ADGRB1: variants seen among roughly 807,000 people sequenced by gnomAD.
ADGRB1 encodes adhesion G protein-coupled receptor B1.
A neutral mutation model predicts 175.7 loss-of-function variants in ADGRB1; 36 were observed. That is an observed-to-expected ratio of 0.20 (90% CI 0.16 to 0.27). ADGRB1 has a LOEUF of 0.27. Among genes scored for constraint, ADGRB1 ranks in the 10% least tolerant of loss-of-function variants. The pLI, the probability that ADGRB1 is intolerant of heterozygous loss-of-function variation, is 1.00. For missense variants in ADGRB1, 1,731 were observed against 2,255.3 expected, an observed-to-expected ratio of 0.77 and a Z score of 4.71; for synonymous variants, 1,054 against 979.4, an observed-to-expected ratio of 1.08 and a Z score of -1.42.
chr8:142,527,709 G>C (rs530992926), intron 24 of ADGRB1, among the ~76,000 whole-genome samples: 17 of 152,306 alleles, frequency 1.1e-4, no homozygotes, highest in African/African-American at 3.6e-4. Context: ...AGGTCCCCAG[G>C]GCTACACATC....
chr8:142,484,682 C>G lies in ADGRB1; in HGVS notation c.2226C>G (p.Phe742Leu). The G allele has an allele frequency of 6.2e-7, 1 of 1,611,532 alleles. No individual in the cohort carries two copies. Among genetic ancestry groups the G allele is most frequent in the Non-Finnish European group, 8.5e-7 (1 of 1,179,156 alleles). The part of the protein sequence containing the change: ...QLAGPNAKEL[F>L]RLVEDFVDVI... ...CGGGCCCCAACGCCAAGGAGCTGTTCCGGCTGGTGGAGGACTTTGTGGACG... is the reference window on the plus strand; with the variant it reads ...CGGGCCCCAACGCCAAGGAGCTGTTGCGGCTGGTGGAGGACTTTGTGGACG... The change falls in exon 13 of 31, where the codon TTC becomes TTG. Residue 742 changes from phenylalanine to leucine, a missense_variant. By Grantham distance (22) the Phe-to-Leu change is conservative. Around this residue, in one of 8 missense-constraint regions of ADGRB1, gnomAD observed 388 missense variants for 630.9 expected, o/e 0.61. Coordinates refer to ENST00000517894, the MANE Select transcript of ADGRB1 (RefSeq NM_001702.3).
intron 26 of ADGRB1, 76 bp from the exon 27 acceptor site, chr8:142,539,298 C>G: frequency 6.8e-7 from 1 of 1,470,936 alleles, no homozygotes; most frequent in Non-Finnish European, 9.3e-7. Flanking sequence ...GTGGCCCTCC[C>G]GAGCGGTCTG....
intron 1 of ADGRB1, among the ~76,000 whole-genome samples, chr8:142,458,228 C>T (rs1419402354): frequency 1.3e-5 from 2 of 152,126 alleles, no homozygotes; most frequent in African/African-American, 2.4e-5. Context: ...GCCCCAGTGC[C>T]CCTGAGAGAA....
At chr8:142,488,545 G>C (rs1294257165) in intron 14 of ADGRB1, 38 bp downstream of exon 14, 1 of 1,602,942 alleles carries the variant, frequency 6.2e-7, no homozygotes, top group Admixed American at 1.7e-5. Context: ...CCTTCATGGG[G>C]GACGTGGGCC....
At chr8:142,531,636 G>C (rs968596710) in intron 24 of ADGRB1, among the ~76,000 whole-genome samples, 12 of 152,216 alleles carry the variant, frequency 7.9e-5, no homozygotes, top group African/African-American at 2.9e-4. Flanking sequence ...CTGAGACCCG[G>C]GAGGCACTGG....
intron 17 of ADGRB1, among the ~76,000 whole-genome samples, chr8:142,499,643 C>T (rs960186266): frequency 9.6e-5 from 14 of 146,190 alleles, no homozygotes; most frequent in African/African-American, 2.2e-4. Context: ...GGGTTGGGAG[C>T]GGCTGGGGTG....
Position 142,509,240 on chromosome 8 carries a change from C to A in ADGRB1, c.2676-1692C>A, listed in dbSNP as rs559413476. Among the ~76,000 whole-genome samples, 4 of 152,294 alleles carry A rather than the reference C, an allele frequency of 2.6e-5. No homozygotes were observed. The East Asian group carries it at 7.7e-4, about 29-fold the overall frequency. On this transcript the variant is annotated intron_variant, in intron 17 of 30. Coordinates refer to ENST00000517894, the MANE Select transcript of ADGRB1 (RefSeq NM_001702.3). ...ACTGGTGACCCATGCTTGCTCTGAG[C>A]CCGGCCCTGTGCCGCTCAGCGCTGT...
intron 1 of ADGRB1, among the ~76,000 whole-genome samples, chr8:142,452,431 A>G (rs1051167861): frequency 3.9e-5 from 6 of 152,006 alleles, no homozygotes; most frequent in African/African-American, 1.4e-4. Flanking sequence ...ACTCATCCGG[A>G]TCCCGGGCTA....
rs1477261293 is a variant in ADGRB1 at position 142,492,223 on chromosome 8, C to T, written c.2675+1408C>T. Among the ~76,000 whole-genome samples the T allele has an allele frequency of 6.6e-6, 1 of 152,182 alleles. No individual in the cohort carries two copies. Among genetic ancestry groups the T allele is most frequent in the African/African-American group, 2.4e-5 (1 of 41,432 alleles). On this transcript the variant is annotated intron_variant, in intron 17 of 30. Coordinates refer to ENST00000517894, the MANE Select transcript of ADGRB1 (RefSeq NM_001702.3). This position sits in a 1 kb window ranked among gnomAD's most constrained non-coding sequence, Gnocchi z 4.4. ...TCTACCCACCACCCATCCACCGCTC[C>T]TCCGTCCGCCTGTTCTTTAATCCAT... is the stretch of plus-strand genomic sequence containing the variant.
chr8:142,518,733 G>T (rs1258994161), intron 19 of ADGRB1, among the ~76,000 whole-genome samples: 1 of 152,238 alleles, frequency 6.6e-6, no homozygotes, highest in African/African-American at 2.4e-5. Flanking sequence ...GTGGAGGAGA[G>T]CTCGTGTTTG....
At position 142,473,989 on chromosome 8, in the gene ADGRB1, C is replaced by T. The variant is rs1418074220; in HGVS notation, c.785-1485C>T. ...CTCTGACCCAAGTGACAATGCCACA[C>T]GCCGTCCTCTCATATCCTTTTTTGC... On this transcript the variant is annotated intron_variant, in intron 2 of 30. Coordinates refer to ENST00000517894, the MANE Select transcript of ADGRB1 (RefSeq NM_001702.3). Among the ~76,000 whole-genome samples the T allele has an allele frequency of 5.9e-5, 9 of 152,318 alleles. No individual in the cohort carries two copies. In the South Asian group the frequency reaches 6.2e-4, roughly 11 times the overall value.
chr8:142,461,404 C>T (rs575011062), intron 1 of ADGRB1, among the ~76,000 whole-genome samples: 1 of 152,356 alleles, frequency 6.6e-6, no homozygotes, highest in East Asian at 1.9e-4. Flanking sequence ...TGGGACACCC[C>T]TCCCAGGCCT....
At chr8:142,506,448 G>T (rs1053827351) in intron 17 of ADGRB1, among the ~76,000 whole-genome samples, 19 of 152,216 alleles carry the variant, frequency 1.2e-4, no homozygotes, top group Admixed American at 1.1e-3. Context: ...ACACATGGGG[G>T]TGGGGAGCAG....
intron 18 of ADGRB1, among the ~76,000 whole-genome samples, chr8:142,513,043 G>A (rs1843190287): frequency 6.6e-6 from 1 of 152,068 alleles, no homozygotes; most frequent in African/African-American, 2.4e-5. Flanking sequence ...CTGCTGTCGG[G>A]GGGCGCTTCT....
At chr8:142,520,796 GAC>G in intron 19 of ADGRB1, 25 bp from the exon 20 acceptor site, 1 of 1,599,086 alleles carries the variant, frequency 6.3e-7, no homozygotes, top group Non-Finnish European at 8.6e-7. Context: ...GTTGGGTGCT[GAC>G]CTTGGGCCCC....
chr8:142,466,103 C>T (rs1346812261), intron 2 of ADGRB1, among the ~76,000 whole-genome samples: 6 of 152,122 alleles, frequency 3.9e-5, no homozygotes, highest in Non-Finnish European at 8.8e-5. Flanking sequence ...GTGTTAGCAT[C>T]TGGGAAGATT....
chr8:142,465,045 CAG>C lies in ADGRB1; in HGVS notation c.784+64_784+65del, dbSNP rs1332673085. 1.9e-4 allele frequency: 166 copies of C among 877,564 alleles called. 1 individual carries two copies. Among genetic ancestry groups the C allele is most frequent in the African/African-American group, 2.8e-4 (11 of 38,748 alleles). The allele number at this position is 877,564 out of a possible 1,614,324, so 54.4% of individuals were successfully genotyped here. A position where few individuals can be genotyped will look rare whatever the true frequency, so the allele number is the denominator to read the frequency against. On this transcript the variant is annotated intron_variant, in intron 2 of 30. Transcript: ENST00000517894. The stretch of plus-strand genomic sequence containing the variant: ...TGGGCAGACAGGGGAGGCGGGCAGA[CAG>C]GGGAGGCGGGCGGATGGGGGAAGTG...
At chr8:142,484,791 C>T (rs1262190404) in intron 13 of ADGRB1, 27 bp downstream of exon 13, 2 of 1,527,412 alleles carry the variant, frequency 1.3e-6, no homozygotes, top group East Asian at 4.7e-5. Flanking sequence ...GCTGCCACCC[C>T]CCATGCCTTG....
At chr8:142,471,315 G>A (rs929176356) in intron 2 of ADGRB1, among the ~76,000 whole-genome samples, 5 of 152,188 alleles carry the variant, frequency 3.3e-5, no homozygotes, top group Admixed American at 2.6e-4. Flanking sequence ...GCCTGGCTGC[G>A]AGAGAGGCTG....
Sources: gnomAD v4.1 joint callset for allele counts (sites outside exome capture counted in the v4.1 genomes callset) on GRCh38, gnomAD v4.1.1 for gene constraint, gnomAD v4.1.1 regional missense constraint, Gnocchi (gnomAD v3.1) non-coding constraint, MANE v1.5 for transcripts, NCBI Gene and HGNC (gene_info 2026-07-23, HGNC 2026-07-21) for gene names.